Variants in UNC5C observed in about 807,000 individuals in gnomAD.
UNC5C encodes the protein netrin receptor UNC5C.
Under a neutral mutation model 99.8 loss-of-function variants are expected in UNC5C, and 47 were observed. That is an observed-to-expected ratio of 0.47 (90% CI 0.37 to 0.60). UNC5C has a LOEUF of 0.60. Ranked by LOEUF, UNC5C falls within the 20% of genes least tolerant of loss-of-function variation. The pLI, the probability that UNC5C is intolerant of heterozygous loss-of-function variation, is 0.00. For synonymous variants in UNC5C, 487 were observed against 452.2 expected, an observed-to-expected ratio of 1.08 and a Z score of -0.98; for missense variants, 1,062 against 1,165.9, an observed-to-expected ratio of 0.91 and a Z score of 1.30.
intron 3 of UNC5C, among the ~76,000 whole-genome samples, chr4:95,284,487 G>T (rs753183472): frequency 1.3e-5 from 2 of 152,234 alleles, no homozygotes; most frequent in Admixed American, 6.5e-5. Flanking sequence ...AGGAGTTGAC[G>T]CATCTTTGAA....
At chr4:95,355,247 G>A (rs2149431535) in intron 1 of UNC5C, among the ~76,000 whole-genome samples, 1 of 152,264 alleles carries the variant, frequency 6.6e-6, no homozygotes, top group South Asian at 2.1e-4. Context: ...CATGAAATAA[G>A]GGAATGTAAA....
At chr4:95,307,307 C>G (rs1742096152) in intron 2 of UNC5C, among the ~76,000 whole-genome samples, 1 of 151,918 alleles carries the variant, frequency 6.6e-6, no homozygotes, top group East Asian at 1.9e-4. Flanking sequence ...TAAAATTATT[C>G]TATGCAAGTG....
intron 1 of UNC5C, among the ~76,000 whole-genome samples, chr4:95,499,903 G>A (rs886622581): frequency 1.3e-5 from 2 of 152,014 alleles, no homozygotes; most frequent in African/African-American, 4.8e-5. Context: ...TGTGTTTCAG[G>A]GAGGTTAACT....
chr4:95,200,246 C>A (rs1352457090), intron 12 of UNC5C, among the ~76,000 whole-genome samples: 3 of 152,084 alleles, frequency 2.0e-5, no homozygotes, highest in Non-Finnish European at 2.9e-5. Context: ...GAAAAACTTT[C>A]TTTCCTTGGC....
chr4:95,299,834 G>A (rs1011218764), intron 3 of UNC5C, among the ~76,000 whole-genome samples: 5 of 152,144 alleles, frequency 3.3e-5, no homozygotes, highest in Non-Finnish European at 7.3e-5. Flanking sequence ...ACAATTCAAG[G>A]TGAGATTTGG....
intron 1 of UNC5C, among the ~76,000 whole-genome samples, chr4:95,401,007 CTTTTA>C (rs1193210563): frequency 2.0e-5 from 3 of 152,126 alleles, no homozygotes; most frequent in African/African-American, 2.4e-5. Context: ...TTCTCATTTT[CTTTTA>C]TTTTAACGAC....
chr4:95,377,957 A>G (rs182712723), intron 1 of UNC5C, among the ~76,000 whole-genome samples: 21 of 152,336 alleles, frequency 1.4e-4, no homozygotes, highest in Admixed American at 1.1e-3. Flanking sequence ...AGTAGAGCTC[A>G]TGTGAATGGG....
At chr4:95,488,627 A>T (rs901568359) in intron 1 of UNC5C, among the ~76,000 whole-genome samples, 3 of 151,768 alleles carry the variant, frequency 2.0e-5, no homozygotes, top group Non-Finnish European at 4.4e-5. Flanking sequence ...AAATTCTACC[A>T]TTAACAACAG....
At chr4:95,536,082 A>ATATATATATATATATTTTTTT (rs1180330785) in intron 1 of UNC5C, among the ~76,000 whole-genome samples, 2 of 78,442 alleles carry the variant, frequency 2.5e-5, no homozygotes, top group East Asian at 5.7e-4. Context: ...ATATATATAT[A>ATATATATATATATATTTTTTT]TTTTTTTTTT....
chr4:95,197,011 A>G (rs1737445758), intron 12 of UNC5C, among the ~76,000 whole-genome samples: 1 of 45,178 alleles, frequency 2.2e-5, no homozygotes, highest in Non-Finnish European at 3.3e-5. Context: ...TATTATATTT[A>G]TGTAATATAT....
intron 1 of UNC5C, among the ~76,000 whole-genome samples, chr4:95,347,293 C>T (rs972578465): frequency 2.0e-5 from 3 of 151,950 alleles, no homozygotes; most frequent in Non-Finnish European, 2.9e-5. Flanking sequence ...ATTCCATGTT[C>T]GTGGGCTGGA....
chr4:95,195,836 T>A (rs558283640), intron 12 of UNC5C, among the ~76,000 whole-genome samples: 1 of 152,070 alleles, frequency 6.6e-6, no homozygotes, highest in East Asian at 1.9e-4. Context: ...GTTACTCTAT[T>A]ACAGTTGGGA....
chr4:95,461,080 T>C (rs1179024886), intron 1 of UNC5C, among the ~76,000 whole-genome samples: 1 of 152,242 alleles, frequency 6.6e-6, no homozygotes, highest in African/African-American at 2.4e-5. Flanking sequence ...TCATAAATCA[T>C]AATTTTAAAT....
chr4:95,512,849 T>C (rs1578202812), intron 1 of UNC5C, among the ~76,000 whole-genome samples: 2 of 152,310 alleles, frequency 1.3e-5, no homozygotes, highest in African/African-American at 4.8e-5. Context: ...AAAACAAAAA[T>C]TAATTTCCAG....
chr4:95,545,751 C>T (rs1471837271), intron 1 of UNC5C, among the ~76,000 whole-genome samples: 1 of 144,970 alleles, frequency 6.9e-6, no homozygotes, highest in African/African-American at 2.8e-5. Flanking sequence ...GCACACTGAT[C>T]TCACACACAC....
intron 3 of UNC5C, among the ~76,000 whole-genome samples, chr4:95,285,245 G>T (rs1013999154): frequency 4.6e-5 from 7 of 151,964 alleles, no homozygotes; most frequent in African/African-American, 1.7e-4. Flanking sequence ...CAAAATATTG[G>T]TGATGTGATA....
intron 10 of UNC5C, among the ~76,000 whole-genome samples, chr4:95,207,154 T>C (rs1402397823): frequency 2.0e-5 from 3 of 152,194 alleles, no homozygotes; most frequent in Non-Finnish European, 4.4e-5. Context: ...TAAGCAGATT[T>C]TCTGATAATT....
At position 95,163,883 on chromosome 4, in the gene UNC5C, A is replaced by G. The variant is rs1390383495; in HGVS notation, c.*5351T>C. ...CTGAGTAGACAGCAGGCTGATGAAG[A>G]GCTGCTAATAATTGGTGGGCTTGCT... On this transcript the variant is annotated 3_prime_UTR_variant, in exon 16 of 16. Transcript: ENST00000453304. The G allele has an allele frequency of 6.6e-6, 1 of 152,210 alleles. No homozygotes were observed. The highest frequency in any genetic ancestry group is 1.5e-5 in the Non-Finnish European group (1 of 68,052). The allele number at this position is 152,210 out of a possible 1,614,324, so 9.4% of individuals were successfully genotyped here.
At chr4:95,341,425 T>G (rs1396319169) in intron 1 of UNC5C, among the ~76,000 whole-genome samples, 1 of 150,330 alleles carries the variant, frequency 6.7e-6, no homozygotes, top group Non-Finnish European at 1.5e-5. Flanking sequence ...TTTGGCCAGT[T>G]TGTGTAGAAT....
Sources: gnomAD v4.1 joint callset for allele counts (sites outside exome capture counted in the v4.1 genomes callset) on GRCh38, gnomAD v4.1.1 for gene constraint, MANE v1.5 for transcripts, NCBI Gene and HGNC (gene_info 2026-07-23, HGNC 2026-07-21) for gene names.